Variants in CDC42BPB observed in about 807,000 individuals in gnomAD.
CDC42BPB encodes the protein CDC42 binding protein kinase beta, also known as serine/threonine-protein kinase MRCK beta.
CDC42BPB carries 37 observed loss-of-function variants against 214.9 expected under a neutral mutation model. The observed-to-expected ratio is 0.17, with a 90% CI of 0.13 to 0.23. The LOEUF is 0.23. CDC42BPB is among the 10% of genes least tolerant of loss of function. The pLI is 1.00. For synonymous variants in CDC42BPB, 931 were observed against 884.0 expected (o/e 1.05, Z -0.94); for missense variants, 1,694 against 2,227.0 (o/e 0.76, Z 4.82).
chr14:102,972,693 A>C (rs1893536558), intron 12 of CDC42BPB, among the ~76,000 whole-genome samples: 1 of 5,018 alleles, frequency 2.0e-4, no homozygotes, highest in Non-Finnish European at 1.3e-3. Flanking sequence ...TGCCTCAAAA[A>C]AAAAAAAAAA....
intron 9 of CDC42BPB, among the ~76,000 whole-genome samples, chr14:102,977,264 G>A (rs1322605145): frequency 3.3e-5 from 5 of 151,324 alleles, no homozygotes; most frequent in Non-Finnish European, 4.4e-5. Context: ...GCTTGAACCC[G>A]GGAGGCAGAA....
intron 23 of CDC42BPB, among the ~76,000 whole-genome samples, chr14:102,953,259 C>T (rs988214884): frequency 1.3e-5 from 2 of 152,196 alleles, no homozygotes; most frequent in Admixed American, 6.5e-5. Context: ...GGGGAGTGAC[C>T]GACACAAACT....
At chr14:102,975,218 T>C (rs957056336) in intron 11 of CDC42BPB, among the ~76,000 whole-genome samples, 20 of 152,158 alleles carry the variant, frequency 1.3e-4, no homozygotes, top group Non-Finnish European at 2.4e-4. Flanking sequence ...TATAAAATAA[T>C]ATCATTAGAA....
At chr14:103,052,497 T>A (rs1888663168) in intron 1 of CDC42BPB, among the ~76,000 whole-genome samples, 1 of 152,074 alleles carries the variant, frequency 6.6e-6, no homozygotes, top group South Asian at 2.1e-4. Flanking sequence ...CTTATTAAAT[T>A]CGGTGGCATC....
chr14:103,056,376 G>C (rs776562477), intron 1 of CDC42BPB, among the ~76,000 whole-genome samples: 1 of 152,184 alleles, frequency 6.6e-6, no homozygotes, highest in Non-Finnish European at 1.5e-5. Flanking sequence ...GACCAACAAG[G>C]GGATGTAGAC....
At chr14:102,974,352 G>A in intron 11 of CDC42BPB, 1 of 984,202 alleles carries the variant, frequency 1.0e-6, no homozygotes, top group Non-Finnish European at 1.2e-6. Flanking sequence ...GCATGCCTGT[G>A]CTGAACAGGC....
intron 1 of CDC42BPB, among the ~76,000 whole-genome samples, chr14:103,031,033 C>T (rs1479764558): frequency 5.3e-5 from 8 of 152,056 alleles, no homozygotes. Context: ...CTACCCACCT[C>T]CAATATGTCA....
chr14:102,976,249 C>T (rs1025193823), intron 9 of CDC42BPB, 200 bp from the exon 10 acceptor site: 17 of 982,412 alleles, frequency 1.7e-5, no homozygotes, highest in Admixed American at 6.1e-5. Flanking sequence ...CCCTCCCCAT[C>T]GCTGGTCAAA....
intron 6 of CDC42BPB, among the ~76,000 whole-genome samples, chr14:102,985,880 G>T (rs559338458): frequency 2.0e-4 from 31 of 152,370 alleles, no homozygotes; most frequent in Admixed American, 7.8e-4. Context: ...CAGGCTACTC[G>T]GCCATGACGC....
chr14:103,040,341 C>G (rs530941137), intron 1 of CDC42BPB, among the ~76,000 whole-genome samples: 1 of 151,382 alleles, frequency 6.6e-6, no homozygotes, highest in African/African-American at 2.4e-5. Context: ...GGCGACAGAG[C>G]AAGACTCCGT....
intron 5 of CDC42BPB, among the ~76,000 whole-genome samples, chr14:102,998,191 T>C (rs1008339248): frequency 6.6e-6 from 1 of 152,118 alleles, no homozygotes; most frequent in African/African-American, 2.4e-5. Context: ...TTTGGAAGTA[T>C]ATGTGAGAGA....
At chr14:102,960,440 G>C (rs965765149) in intron 20 of CDC42BPB, among the ~76,000 whole-genome samples, 2 of 151,776 alleles carry the variant, frequency 1.3e-5, no homozygotes, top group South Asian at 2.1e-4. Context: ...AACACAGAGA[G>C]ACCCCATCTC....
At chr14:103,056,012 C>G (rs913659348) in intron 1 of CDC42BPB, among the ~76,000 whole-genome samples, 6 of 152,186 alleles carry the variant, frequency 3.9e-5, no homozygotes, top group African/African-American at 1.2e-4. Context: ...GGGTCTTGAC[C>G]GGCACACCCG....
intron 1 of CDC42BPB, among the ~76,000 whole-genome samples, chr14:103,053,916 T>C (rs1011486874): frequency 2.0e-5 from 3 of 152,028 alleles, no homozygotes; most frequent in Admixed American, 6.6e-5. Context: ...TCATTGCTCA[T>C]TGCAGCCTTG....
intron 8 of CDC42BPB, 38 bp from the exon 9 acceptor site, chr14:102,978,243 T>C: frequency 1.2e-6 from 2 of 1,605,830 alleles, no homozygotes; most frequent in Non-Finnish European, 8.5e-7. Context: ...GAAATCTACA[T>C]TCAAACAAAC....
intron 30 of CDC42BPB, chr14:102,941,449 A>C (rs754358967): frequency 4.1e-6 from 4 of 985,484 alleles, no homozygotes; most frequent in Non-Finnish European, 4.8e-6. Context: ...GACAAAAGAT[A>C]CTGGCCTGGT....
In CDC42BPB at chr14:102,980,773, C is replaced by A; in HGVS notation, c.1140G>T (p.Thr380=). The A allele has an allele frequency of 6.2e-7, 1 of 1,613,942 alleles. No homozygotes were observed. The highest frequency in any genetic ancestry group is 8.5e-7 in the Non-Finnish European group (1 of 1,179,848). The change falls in exon 8 of 37, where the codon ACG becomes ACT. Residue 380 remains threonine, a splice_region_variant and synonymous_variant. Transcript: ENST00000361246. ...FDVDDDVLRN[T]EILPPGSHTG... ...CTGAGAACGGTGCTTTCACACTCACCGTGTTTCTCAGCACGTCGTCATCCA... is the reference window on the plus strand; with the variant it reads ...CTGAGAACGGTGCTTTCACACTCACAGTGTTTCTCAGCACGTCGTCATCCA...
At chr14:102,940,571 A>G (rs2139348447) in intron 30 of CDC42BPB, 3 of 1,026,892 alleles carry the variant, frequency 2.9e-6, no homozygotes, top group South Asian at 1.8e-5. Flanking sequence ...TGAATACTAC[A>G]GTACAGATGT....
chr14:103,031,230 C>T (rs914482700), intron 1 of CDC42BPB, among the ~76,000 whole-genome samples: 2 of 152,188 alleles, frequency 1.3e-5, no homozygotes, highest in South Asian at 4.1e-4. Flanking sequence ...CTTTGGCTCA[C>T]CATCCCCACG....
Sources: allele counts gnomAD v4.1 joint callset (sites outside exome capture counted in the v4.1 genomes callset), GRCh38; gene constraint gnomAD v4.1.1; transcripts MANE v1.5; gene names NCBI Gene and HGNC (gene_info 2026-07-23, HGNC 2026-07-21).